Variants in MCTP1 observed in about 807,000 individuals in gnomAD.
MCTP1 encodes multiple C2 and transmembrane domain containing 1.
MCTP1 carries 69 observed loss-of-function variants against 120.6 expected under a neutral mutation model. The observed-to-expected ratio is 0.57, with a 90% CI of 0.47 to 0.70. The LOEUF is 0.70. MCTP1 is among the 30% of genes least tolerant of loss of function. The pLI, the probability that MCTP1 is intolerant of heterozygous loss-of-function variation, is 0.00. For missense variants in MCTP1, 1,203 were observed against 1,248.8 expected, an observed-to-expected ratio of 0.96 and a Z score of 0.55; for synonymous variants, 529 against 493.1, an observed-to-expected ratio of 1.07 and a Z score of -0.96.
intron 2 of MCTP1, among the ~76,000 whole-genome samples, chr5:95,013,666 G>A (rs1176697568): frequency 1.3e-5 from 2 of 152,052 alleles, no homozygotes; most frequent in African/African-American, 2.4e-5. Context: ...TAGGCCCAAT[G>A]TTGTGACTTA....
At position 94,868,356 on chromosome 5, in the gene MCTP1, G is replaced by A. The variant is rs1797212131; in HGVS notation, c.2413C>T (p.Pro805Ser). Residue 805 changes from proline (P) to serine (S), a missense_variant, in exon 17 of 23, where the codon CCA becomes TCA. Around this residue, in one of 2 missense-constraint regions of MCTP1, gnomAD observed 740 missense variants for 871.1 expected, o/e 0.85. Coordinates refer to ENST00000515393, the MANE Select transcript of MCTP1 (RefSeq NM_024717.7). The stretch of plus-strand genomic sequence containing the variant: ...ACCACAAAAGCAGCGAGACTCCTTG[G>A]GGGTGAATCCCAATCAAAGCAACTA... ...VNSCFDWDSP[P>S]RSLAAFVLFL... The A allele has an allele frequency of 6.2e-7, 1 of 1,605,060 alleles. No individual in the cohort carries two copies. The highest frequency in any genetic ancestry group is 1.3e-5 in the African/African-American group (1 of 74,582).
intron 17 of MCTP1, among the ~76,000 whole-genome samples, chr5:94,804,594 AC>A (rs1390937926): frequency 2.0e-5 from 3 of 151,812 alleles, no homozygotes; most frequent in Non-Finnish European, 4.4e-5. Flanking sequence ...GCCCGCCACC[AC>A]GCCCGGCTAA....
At chr5:95,209,723 G>A (rs1375323455) in intron 1 of MCTP1, among the ~76,000 whole-genome samples, 2 of 152,076 alleles carry the variant, frequency 1.3e-5, no homozygotes, top group South Asian at 2.1e-4. Context: ...TTCCCACACC[G>A]GTCCCAATTA....
At chr5:94,912,449 A>G (rs1389247959) in intron 9 of MCTP1, among the ~76,000 whole-genome samples, 2 of 145,382 alleles carry the variant, frequency 1.4e-5, no homozygotes, top group South Asian at 2.2e-4. Flanking sequence ...AAAAAAAAAA[A>G]AAAAAAAAAA....
chr5:95,016,056 C>T (rs935170292), intron 2 of MCTP1, among the ~76,000 whole-genome samples: 6 of 152,120 alleles, frequency 3.9e-5, no homozygotes, highest in African/African-American at 1.2e-4. Flanking sequence ...TGGAAACAGG[C>T]AGTTCAATTC....
At chr5:94,822,243 A>G (rs188148267) in intron 17 of MCTP1, among the ~76,000 whole-genome samples, 41 of 152,116 alleles carry the variant, frequency 2.7e-4, no homozygotes, top group Non-Finnish European at 4.3e-4. Context: ...CTGGTGTGTG[A>G]TGTTCCCTCC....
At chr5:94,840,674 G>T (rs1263483862) in intron 17 of MCTP1, among the ~76,000 whole-genome samples, 2 of 152,136 alleles carry the variant, frequency 1.3e-5, no homozygotes, top group African/African-American at 2.4e-5. Context: ...GTGTTATTGG[G>T]CAAGTGATTC....
At chr5:94,770,409 C>A (rs1194353685) in intron 19 of MCTP1, among the ~76,000 whole-genome samples, 1 of 152,192 alleles carries the variant, frequency 6.6e-6, no homozygotes, top group Non-Finnish European at 1.5e-5. Flanking sequence ...TGTCTTGAAA[C>A]ATTTGATTGA....
At chr5:95,077,730 C>T (rs966524273) in intron 1 of MCTP1, among the ~76,000 whole-genome samples, 1 of 152,106 alleles carries the variant, frequency 6.6e-6, no homozygotes, top group Admixed American at 6.5e-5. Context: ...CCTCGGCCTC[C>T]CAAAGTGCTG....
chr5:94,716,158 T>C (rs1759219051), intron 19 of MCTP1, among the ~76,000 whole-genome samples: 1 of 152,326 alleles, frequency 6.6e-6, no homozygotes, highest in Admixed American at 6.5e-5. Flanking sequence ...ATCTTTGTTA[T>C]AGATACCAGT....
rs1194753370 is a variant in MCTP1 at position 94,870,489 on chromosome 5, C to G, written c.2244G>C (p.Val748=). The G allele has an allele frequency of 6.3e-7, 1 of 1,599,964 alleles. No homozygotes were observed. The highest frequency in any genetic ancestry group is 8.6e-7 in the Non-Finnish European group (1 of 1,167,244). Residue 748 remains valine, a splice_region_variant and synonymous_variant, in exon 16 of 23, where the codon GTG becomes GTC. Coordinates refer to ENST00000515393, the MANE Select transcript of MCTP1 (RefSeq NM_024717.7). The part of the protein sequence containing the change: ...YLEIDVIFNA[V]KASLRTLIPK... ...GTATTAATGTTCGTAAGCTGGCTTT[C>G]ACCTATACATCAACATATGTGTCTG...
chr5:94,965,827 T>G (rs1189150021), intron 2 of MCTP1, among the ~76,000 whole-genome samples: 1 of 152,186 alleles, frequency 6.6e-6, no homozygotes, highest in Non-Finnish European at 1.5e-5. Context: ...TAAAAGGATT[T>G]GAGGGGATGT....
At chr5:95,208,373 G>C (rs1381362155) in intron 1 of MCTP1, among the ~76,000 whole-genome samples, 1 of 152,114 alleles carries the variant, frequency 6.6e-6, no homozygotes, top group African/African-American at 2.4e-5. Context: ...TTACAGGCGT[G>C]AGCCACCACA....
intron 2 of MCTP1, chr5:94,980,883 T>A (rs966085837): frequency 6.6e-5 from 10 of 152,150 alleles, no homozygotes; most frequent in African/African-American, 2.4e-4. Flanking sequence ...AAGGCTTTTC[T>A]TCAATTATCA....
rs951866633 is a variant in MCTP1, at chr5:95,178,673, C to G, written c.720+105183G>C. Among the ~76,000 whole-genome samples, 6 of 152,188 alleles carry G rather than the reference C, an allele frequency of 3.9e-5. No homozygotes were observed. In the South Asian group the frequency reaches 6.2e-4, roughly 16 times the overall value. The stretch of plus-strand genomic sequence containing the variant: ...ACCCCATGGAGCAAAAGAATCTGAA[C>G]AGCAGCACTTGAGTTCCAGATCTTC... On this transcript the variant is annotated intron_variant, in intron 1 of 22. Transcript: ENST00000515393.
intron 17 of MCTP1, among the ~76,000 whole-genome samples, chr5:94,853,274 A>G (rs1688873004): frequency 6.6e-6 from 1 of 151,986 alleles, no homozygotes; most frequent in African/African-American, 2.4e-5. Flanking sequence ...TCAGCCTACA[A>G]ATCTAAATCA....
rs1360683180 is a variant in MCTP1, at chr5:94,708,542, G to A, written c.2898C>T (p.Phe966=). 1 of 1,610,094 alleles carries A rather than the reference G, an allele frequency of 6.2e-7. No homozygotes were observed. Among genetic ancestry groups the A allele is most frequent in the East Asian group, 2.2e-5 (1 of 44,790 alleles). ...GTACATCTGAAGGGACTCTGGAAAG[G>A]AAGTCAAGTAGTTCATTGTTATCAA... ...YAIDNNELLD[F]LSRVPSDVQV... is the part of the protein sequence containing the mutation. The change falls in exon 22 of 23, where the codon TTC becomes TTT. Residue 966 remains phenylalanine, a synonymous_variant. Transcript: ENST00000515393.
chr5:94,983,871 A>G (rs1199829916), intron 2 of MCTP1, among the ~76,000 whole-genome samples: 3 of 152,196 alleles, frequency 2.0e-5, no homozygotes, highest in Non-Finnish European at 4.4e-5. Flanking sequence ...GCCATCTAAA[A>G]CATGAGAGCT....
At chr5:94,765,259 C>T (rs545546327) in intron 19 of MCTP1, among the ~76,000 whole-genome samples, 1 of 152,046 alleles carries the variant, frequency 6.6e-6, no homozygotes, top group African/African-American at 2.4e-5. Context: ...GCTACGAGGG[C>T]CATTTATAGA....
Sources: allele counts gnomAD v4.1 joint callset (sites outside exome capture counted in the v4.1 genomes callset), GRCh38; gene constraint gnomAD v4.1.1; regional missense constraint gnomAD v4.1.1; transcripts MANE v1.5; gene names NCBI Gene and HGNC (gene_info 2026-07-23, HGNC 2026-07-21).